The following ZDHHC14 variants were observed in gnomAD, a reference collection of about 807,000 sequenced individuals.
The protein encoded by ZDHHC14 is palmitoyltransferase ZDHHC14.
Under a neutral mutation model 47.7 loss-of-function variants are expected in ZDHHC14, and 16 were observed. The observed-to-expected ratio is 0.34, with a 90% CI of 0.23 to 0.51. ZDHHC14 has a LOEUF of 0.51. ZDHHC14 is among the 20% of genes least tolerant of loss of function. The pLI, the probability that ZDHHC14 is intolerant of heterozygous loss-of-function variation, is 0.97. For synonymous variants in ZDHHC14, 293 were observed against 278.9 expected (o/e 1.05, Z -0.50); for missense variants, 515 against 662.5 (o/e 0.78, Z 2.44).
intron 1 of ZDHHC14, among the ~76,000 whole-genome samples, chr6:157,523,862 C>T (rs972906047): frequency 6.6e-6 from 1 of 152,186 alleles, no homozygotes; most frequent in Non-Finnish European, 1.5e-5. Flanking sequence ...GATCTCACCA[C>T]AGTACTCTGG....
intron 1 of ZDHHC14, among the ~76,000 whole-genome samples, chr6:157,386,380 TAAGC>T (rs970701284): frequency 6.6e-5 from 10 of 152,238 alleles, no homozygotes; most frequent in Admixed American, 5.2e-4. Flanking sequence ...ACAAATAAAA[TAAGC>T]ACCTTTGTGT....
At position 157,586,489 on chromosome 6, in the gene ZDHHC14, A is replaced by G. The variant is rs1401036180; in HGVS notation, c.407-6499A>G. ...CATAGGCTCCATGGAAGATCGTGCA[A>G]GGAGAGAGAAGGTTCATGGATTGTG... On this transcript the variant is annotated intron_variant, in intron 2 of 8. Coordinates refer to ENST00000359775, the MANE Select transcript of ZDHHC14 (RefSeq NM_024630.3). This position sits in a 1 kb window ranked among gnomAD's most constrained non-coding sequence, Gnocchi z 4.6. Among the ~76,000 whole-genome samples, 1 of 152,204 alleles carries G rather than the reference A, an allele frequency of 6.6e-6. No individual in the cohort carries two copies. The highest frequency in any genetic ancestry group is 1.9e-4 in the East Asian group (1 of 5,190).
At chr6:157,390,188 A>G (rs1430490096) in intron 1 of ZDHHC14, among the ~76,000 whole-genome samples, 1 of 152,148 alleles carries the variant, frequency 6.6e-6, no homozygotes, top group African/African-American at 2.4e-5. Flanking sequence ...CTAGGTTGAT[A>G]GTCTTTTTCC....
chr6:157,486,249 G>A (rs776437774), intron 1 of ZDHHC14, among the ~76,000 whole-genome samples: 1 of 152,040 alleles, frequency 6.6e-6, no homozygotes, highest in Non-Finnish European at 1.5e-5. Context: ...ATCCAATCGC[G>A]TCACTACACC....
At chr6:157,533,581 G>C (rs141286546) in intron 1 of ZDHHC14, among the ~76,000 whole-genome samples, 1 of 152,190 alleles carries the variant, frequency 6.6e-6, no homozygotes. Flanking sequence ...TGCAGGGGTC[G>C]GCAGGAGGGA....
intron 1 of ZDHHC14, among the ~76,000 whole-genome samples, chr6:157,466,635 C>T (rs766964264): frequency 1.2e-4 from 18 of 152,014 alleles, no homozygotes; most frequent in Non-Finnish European, 1.9e-4. Flanking sequence ...GCCAGGAGTT[C>T]GACACTAGCC....
At chr6:157,621,981 T>C (rs958529297) in intron 3 of ZDHHC14, among the ~76,000 whole-genome samples, 4 of 152,152 alleles carry the variant, frequency 2.6e-5, no homozygotes, top group Admixed American at 1.3e-4. Flanking sequence ...CTGTCAGATA[T>C]GGATTATAGC....
intron 2 of ZDHHC14, among the ~76,000 whole-genome samples, chr6:157,556,301 G>A (rs1366007248): frequency 1.3e-5 from 2 of 152,168 alleles, no homozygotes; most frequent in African/African-American, 4.8e-5. Context: ...CACAGCGCTC[G>A]CTGTCCCCGG....
At chr6:157,492,379 C>T (rs1169117294) in intron 1 of ZDHHC14, among the ~76,000 whole-genome samples, 1 of 152,202 alleles carries the variant, frequency 6.6e-6, no homozygotes, top group Admixed American at 6.5e-5. Context: ...CCGGCCTGCT[C>T]TCTGCCCTTC....
intron 1 of ZDHHC14, among the ~76,000 whole-genome samples, chr6:157,487,357 G>C (rs1472200975): frequency 6.6e-6 from 1 of 152,172 alleles, no homozygotes. Flanking sequence ...TGAGGGCCTG[G>C]GTGGCATTTG....
At chr6:157,531,112 A>G (rs946973513) in intron 1 of ZDHHC14, among the ~76,000 whole-genome samples, 1 of 152,164 alleles carries the variant, frequency 6.6e-6, no homozygotes, top group Admixed American at 6.5e-5. Flanking sequence ...CTTCACCTGC[A>G]TGACGACCTT....
Position 157,574,910 on chromosome 6 carries a change from C to G in ZDHHC14, c.407-18078C>G, listed in dbSNP as rs138199644. On this transcript the variant is annotated intron_variant, in intron 2 of 8. Transcript: ENST00000359775. ...CCACACAATACAGAACCCTTCTTGG[C>G]CTCTGTATTATTCAGTGCTCTCTAG... Among the ~76,000 whole-genome samples the G allele has an allele frequency of 4.1e-3, 622 of 152,294 alleles. 1 individual carries two copies. Among genetic ancestry groups the G allele is most frequent in the African/African-American group, 0.015 (604 of 41,546 alleles).
chr6:157,542,264 C>T (rs910075340), intron 1 of ZDHHC14, among the ~76,000 whole-genome samples: 2 of 152,170 alleles, frequency 1.3e-5, no homozygotes, highest in Admixed American at 6.5e-5. Context: ...ACAGAGGACA[C>T]GTGTCTATTT....
intron 1 of ZDHHC14, among the ~76,000 whole-genome samples, chr6:157,402,078 A>G (rs559257182): frequency 6.6e-6 from 1 of 151,382 alleles, no homozygotes; most frequent in Non-Finnish European, 1.5e-5. Context: ...GCACCTGCTG[A>G]GGTCACACTG....
At chr6:157,437,450 A>G (rs1778463913) in intron 1 of ZDHHC14, among the ~76,000 whole-genome samples, 1 of 152,142 alleles carries the variant, frequency 6.6e-6, no homozygotes, top group Admixed American at 6.5e-5. Flanking sequence ...TCCAGCCTTG[A>G]ACAGGTTTGT....
intron 1 of ZDHHC14, among the ~76,000 whole-genome samples, chr6:157,410,843 C>T (rs1006956713): frequency 2.6e-5 from 4 of 152,078 alleles, no homozygotes; most frequent in Admixed American, 6.5e-5. Context: ...ATTACAGGCA[C>T]ACGCCACCAC....
chr6:157,663,510 T>C (rs926544075), intron 8 of ZDHHC14, among the ~76,000 whole-genome samples: 14 of 152,236 alleles, frequency 9.2e-5, no homozygotes, highest in African/African-American at 3.1e-4. Context: ...TTCTCTGTCA[T>C]CAGGGCTTTG....
At chr6:157,623,650 A>G (rs758033273) in intron 3 of ZDHHC14, among the ~76,000 whole-genome samples, 1 of 151,418 alleles carries the variant, frequency 6.6e-6, no homozygotes, top group African/African-American at 2.4e-5. Context: ...CCTGGGTTCA[A>G]GCGGTTCTCC....
chr6:157,559,015 CACAA>C (rs1469929115), intron 2 of ZDHHC14, among the ~76,000 whole-genome samples: 1 of 152,142 alleles, frequency 6.6e-6, no homozygotes, highest in African/African-American at 2.4e-5. Flanking sequence ...GCTCAAAACA[CACAA>C]ACAATGAGCT....
Sources: allele counts gnomAD v4.1 joint callset (sites outside exome capture counted in the v4.1 genomes callset), GRCh38; gene constraint gnomAD v4.1.1; non-coding constraint Gnocchi (gnomAD v3.1); transcripts MANE v1.5; gene names NCBI Gene and HGNC (gene_info 2026-07-23, HGNC 2026-07-21).